The following CAGE1 variants were observed in gnomAD, a reference collection of about 807,000 sequenced individuals.
CAGE1 encodes the protein cancer-associated gene 1 protein.
CAGE1 carries 66 observed loss-of-function variants against 94.9 expected under a neutral mutation model. The observed-to-expected ratio is 0.70, with a 90% CI of 0.57 to 0.85. CAGE1 has a LOEUF of 0.85. CAGE1 is among the 40% of genes least tolerant of loss of function. The pLI is 0.00. For missense variants in CAGE1, 865 were observed against 950.4 expected, an observed-to-expected ratio of 0.91 and a Z score of 1.18; for synonymous variants, 319 against 321.0, an observed-to-expected ratio of 0.99 and a Z score of 0.07.
At chr6:7,333,601 GTTTTTT>G (rs5874091) in intron 12 of CAGE1, among the ~76,000 whole-genome samples, 1 of 142,062 alleles carries the variant, frequency 7.0e-6, no homozygotes, top group East Asian at 2.1e-4. Flanking sequence ...AAGGAAAAGA[GTTTTTT>G]TTTTTAAGTA....
At chr6:7,329,935 C>A in intron 12 of CAGE1, 47 bp from the exon 13 acceptor site, 2 of 820,630 alleles carry the variant, frequency 2.4e-6, no homozygotes, top group South Asian at 1.6e-5. Context: ...GAAGGGGGGA[C>A]TGAAATAGTG....
intron 12 of CAGE1, 94 bp from the exon 13 acceptor site, chr6:7,329,982 T>TC (rs762517643): frequency 1.6e-5 from 10 of 615,516 alleles, no homozygotes; most frequent in Admixed American, 1.1e-4. Context: ...TAGCATATTT[T>TC]CCCCTCACTT....
At position 7,389,321 on chromosome 6, in the gene CAGE1, C is replaced by G. The variant is rs1254045736; in HGVS notation, c.-143G>C. 4 of 456,174 alleles carry G rather than the reference C, an allele frequency of 8.8e-6. No homozygotes were observed. Among genetic ancestry groups the G allele is most frequent in the African/African-American group, 6.0e-5 (3 of 50,090 alleles). The allele number at this position is 456,174 out of a possible 1,614,324, so 28.3% of individuals were successfully genotyped here. A position where few individuals can be genotyped will look rare whatever the true frequency, so the allele number is the denominator to read the frequency against. ...AGTTTCTTGGACCCACGCTACGGAC[C>G]TGGCTCTCCCTCCCTCTGCACCGGG... is the stretch of plus-strand genomic sequence containing the variant. On this transcript the variant is annotated 5_prime_UTR_variant, in exon 1 of 14. Transcript: ENST00000502583.
chr6:7,367,084 C>T (rs1321774182), intron 7 of CAGE1, among the ~76,000 whole-genome samples: 14 of 151,816 alleles, frequency 9.2e-5, no homozygotes, highest in Admixed American at 9.2e-4. Flanking sequence ...TAATGAACAC[C>T]ACGTAACTAT....
At chr6:7,361,263 A>G (rs1760156318) in intron 9 of CAGE1, among the ~76,000 whole-genome samples, 1 of 152,224 alleles carries the variant, frequency 6.6e-6, no homozygotes, top group African/African-American at 2.4e-5. Flanking sequence ...AGCAAATTAG[A>G]AGGATGTTTC....
At chr6:7,348,941 G>T (rs1428833541) in intron 11 of CAGE1, among the ~76,000 whole-genome samples, 1 of 152,128 alleles carries the variant, frequency 6.6e-6, no homozygotes, top group Non-Finnish European at 1.5e-5. Context: ...GAGAATAATC[G>T]GTGTTCCTGA....
chr6:7,372,995 C>T, intron 5 of CAGE1, 78 bp downstream of exon 5: 2 of 985,466 alleles, frequency 2.0e-6, no homozygotes, highest in East Asian at 2.5e-5. Context: ...AATATAAGTG[C>T]CACGTCTAAA....
At chr6:7,346,214 A>T (rs1023324958) in intron 11 of CAGE1, among the ~76,000 whole-genome samples, 10 of 152,202 alleles carry the variant, frequency 6.6e-5, no homozygotes, top group African/African-American at 2.4e-4. Flanking sequence ...CACTATAATT[A>T]AAAATACTGT....
chr6:7,332,602 G>A (rs4644114), intron 12 of CAGE1, among the ~76,000 whole-genome samples: 3,013 of 152,258 alleles, frequency 0.02, 82 homozygotes, highest in African/African-American at 0.062. Context: ...CCAGTCCTCT[G>A]TGTTTCCCAA....
intron 5 of CAGE1, among the ~76,000 whole-genome samples, chr6:7,370,552 C>T (rs536210961): frequency 5.3e-4 from 81 of 152,164 alleles, no homozygotes; most frequent in Non-Finnish European, 1.0e-3. Flanking sequence ...TTGCCTTAGC[C>T]TCCCAAGTGC....
chr6:7,384,585 A>G (rs1400778725), intron 3 of CAGE1, among the ~76,000 whole-genome samples: 1 of 152,178 alleles, frequency 6.6e-6, no homozygotes, highest in African/African-American at 2.4e-5. Context: ...TGGGCAGCAT[A>G]GTGAGATCCA....
chr6:7,357,817 G>C (rs1393859247), intron 9 of CAGE1, among the ~76,000 whole-genome samples: 1 of 150,878 alleles, frequency 6.6e-6, no homozygotes, highest in Admixed American at 6.6e-5. Context: ...TTTTTGAGAT[G>C]GAGTATCGCT....
At chr6:7,345,531 A>C (rs565509087) in intron 11 of CAGE1, among the ~76,000 whole-genome samples, 1 of 152,322 alleles carries the variant, frequency 6.6e-6, no homozygotes, top group East Asian at 1.9e-4. Flanking sequence ...GCATATACAG[A>C]GTAAGCTATC....
chr6:7,327,283 C>A (rs1384610102), intron 13 of CAGE1, among the ~76,000 whole-genome samples: 1 of 152,012 alleles, frequency 6.6e-6, no homozygotes, highest in African/African-American at 2.4e-5. Flanking sequence ...GAACCCCTGA[C>A]CTCAAGTGAT....
Position 7,373,204 on chromosome 6 carries a change from C to T in CAGE1, c.1615G>A (p.Glu539Lys), listed in dbSNP as rs1482505651. 23 of 1,612,672 alleles carry T rather than the reference C, an allele frequency of 1.4e-5. No individual in the cohort carries two copies. The highest frequency in any genetic ancestry group is 6.6e-5 in the South Asian group (6 of 90,988). ...KNIKLQQQIN[E>K]VKNENAKLKQ... ...AGTTTTGCATTCTCATTTTTTACTT[C>T]GTTGATTTGCTGCTGAAGTTTTATA... The change falls in exon 5 of 14, where the codon GAA (glutamate) becomes AAA (lysine). Residue 539 changes from glutamate (E) to lysine (K), a missense_variant. Glu to Lys is a moderately conservative substitution (Grantham distance 56). Coordinates refer to ENST00000502583, the MANE Select transcript of CAGE1 (RefSeq NM_001170692.2).
chr6:7,358,065 T>TATATATAC (rs1257084432), intron 9 of CAGE1, among the ~76,000 whole-genome samples: 74 of 114,080 alleles, frequency 6.5e-4, no homozygotes, highest in African/African-American at 2.7e-3. Flanking sequence ...TATATATATA[T>TATATATAC]ATATATGCCT....
intron 5 of CAGE1, among the ~76,000 whole-genome samples, chr6:7,370,627 A>AT (rs1207159041): frequency 7.6e-6 from 1 of 131,514 alleles, no homozygotes; most frequent in Admixed American, 8.2e-5. Context: ...CAATTACCAC[A>AT]TTTTTTGAAA....
chr6:7,331,181 C>T (rs895949308), intron 12 of CAGE1: 10 of 288,540 alleles, frequency 3.5e-5, no homozygotes, highest in African/African-American at 6.6e-5. Context: ...TTGGAAATAA[C>T]GTACATTTCC....
intron 13 of CAGE1, 50 bp downstream of exon 13, chr6:7,329,799 A>G (rs1206077155): frequency 1.1e-6 from 1 of 911,164 alleles, no homozygotes. Flanking sequence ...GTTATTGTCA[A>G]ATTACATGGA....
Sources: allele counts gnomAD v4.1 joint callset (sites outside exome capture counted in the v4.1 genomes callset), GRCh38; gene constraint gnomAD v4.1.1; transcripts MANE v1.5; gene names NCBI Gene and HGNC (gene_info 2026-07-23, HGNC 2026-07-21).